Variants in CHORDC1 observed in about 807,000 individuals in gnomAD.
CHORDC1 encodes the protein cysteine and histidine rich domain containing 1.
In CHORDC1, 25 loss-of-function variants were observed where a neutral mutation model predicts 48.3. The observed-to-expected ratio is 0.52, with a 90% CI of 0.38 to 0.72. The LOEUF (loss-of-function observed/expected upper bound fraction) is 0.72. Ranked by LOEUF, CHORDC1 falls within the 30% of genes least tolerant of loss-of-function variation. The pLI is 0.00. For missense variants in CHORDC1, 317 were observed against 388.7 expected (o/e 0.82, Z 1.55); for synonymous variants, 128 against 126.4 (o/e 1.01, Z -0.09).
intron 4 of CHORDC1, chr11:90,211,525 G>A (rs879545634): frequency 9.6e-6 from 4 of 417,892 alleles, no homozygotes; most frequent in African/African-American, 2.1e-5. Context: ...TATTAGAATA[G>A]TAAGTCTCAA....
chr11:90,217,939 C>T, intron 2 of CHORDC1, 196 bp downstream of exon 2: 1 of 330,210 alleles, frequency 3.0e-6, no homozygotes, highest in Non-Finnish European at 5.6e-6. Context: ...AATTTTATAA[C>T]TGGAAAAGAC....
At position 90,201,646 on chromosome 11, in the gene CHORDC1, T is replaced by C. The variant is rs1857546549; in HGVS notation, c.*759A>G. 1 of 152,428 alleles carries C rather than the reference T, an allele frequency of 6.6e-6. No homozygotes were observed. The highest frequency in any genetic ancestry group is 2.4e-5 in the African/African-American group (1 of 41,424). The allele number at this position is 152,428 out of a possible 1,614,324, so 9.4% of individuals were successfully genotyped here. A position where few individuals can be genotyped will look rare whatever the true frequency, so the allele number is the denominator to read the frequency against. On this transcript the variant is annotated 3_prime_UTR_variant, in exon 11 of 11. Transcript: ENST00000320585. ...TAAGAGGGCTTAGTCTCTAAATCAG[T>C]AACAATTAGTCATAACACCATACAA...
chr11:90,219,058 G>C (rs756408070), intron 1 of CHORDC1, among the ~76,000 whole-genome samples: 2 of 151,830 alleles, frequency 1.3e-5, no homozygotes, highest in Non-Finnish European at 2.9e-5. Flanking sequence ...CTGAGGTCAG[G>C]AGTACGAGAC....
chr11:90,206,693 G>T (rs1857700472), intron 6 of CHORDC1: 1 of 832,370 alleles, frequency 1.2e-6, no homozygotes, highest in Non-Finnish European at 1.7e-6. Flanking sequence ...AATTCTGGAA[G>T]TTCTAGAGTG....
At chr11:90,206,720 C>T in intron 6 of CHORDC1, 2 of 1,147,432 alleles carry the variant, frequency 1.7e-6, no homozygotes, top group South Asian at 1.3e-5. Context: ...ATTTCTTATC[C>T]CTATAAAGGG....
intron 1 of CHORDC1, 149 bp from the exon 2 acceptor site, chr11:90,218,333 G>A: frequency 1.8e-6 from 1 of 551,670 alleles, no homozygotes. Context: ...TTGACGTGCA[G>A]CACAAAGTGT....
chr11:90,202,654 T>A (rs1018211491), intron 10 of CHORDC1, 103 bp from the exon 11 acceptor site: 11 of 1,422,798 alleles, frequency 7.7e-6, no homozygotes, highest in Admixed American at 7.2e-5. Context: ...TCCAAGCTTC[T>A]AAAGGCCTCT....
intron 1 of CHORDC1, among the ~76,000 whole-genome samples, chr11:90,222,117 T>A (rs1478518260): frequency 6.6e-6 from 1 of 152,226 alleles, no homozygotes; most frequent in Non-Finnish European, 1.5e-5. Flanking sequence ...CAATCAAAAT[T>A]TCAATTCACT....
chr11:90,219,195 CAG>C (rs1227921386), intron 1 of CHORDC1, among the ~76,000 whole-genome samples: 2 of 151,958 alleles, frequency 1.3e-5, no homozygotes, highest in African/African-American at 4.8e-5. Flanking sequence ...ACTTGGGAAG[CAG>C]AGTTTGCAGT....
Position 90,206,267 on chromosome 11 carries a change from G to C in CHORDC1, c.498C>G (p.Tyr166Ter). The change falls in exon 7 of 11, where the codon TAC (tyrosine) becomes TAG (stop). Residue 166 changes from tyrosine (Y) to a stop codon, truncating the protein, a stop_gained. Coordinates refer to ENST00000320585, the MANE Select transcript of CHORDC1 (RefSeq NM_012124.3). LOFTEE classifies it high-confidence loss of function. ...SCKNGGCSKT[Y>*]QGLESLEEVC... ...CTTCTTCTAGACTCTCTAGACCCTG[G>C]TATGTCTAAAAAGGAAACAAAGAGA... 6.5e-7 allele frequency: 1 copy of C among 1,548,560 alleles called. No individual in the cohort carries two copies. The highest frequency in any genetic ancestry group is 8.9e-7 in the Non-Finnish European group (1 of 1,121,938).
chr11:90,222,826 G>A (rs1375820542), intron 1 of CHORDC1, 65 bp downstream of exon 1: 4 of 1,438,990 alleles, frequency 2.8e-6, no homozygotes, highest in Non-Finnish European at 2.9e-6. Context: ...ACACCCTCCG[G>A]CCCAAAGGGC....
chr11:90,219,401 G>T (rs1225771223), intron 1 of CHORDC1, among the ~76,000 whole-genome samples: 2 of 152,230 alleles, frequency 1.3e-5, no homozygotes, highest in East Asian at 3.9e-4. Flanking sequence ...TACAATTTGT[G>T]TTGGGAACAG....
At chr11:90,206,494 G>A in intron 6 of CHORDC1, 1 of 455,588 alleles carries the variant, frequency 2.2e-6, no homozygotes, top group Non-Finnish European at 4.0e-6. Flanking sequence ...GTCATATTAA[G>A]ATGCTTTCAG....
intron 8 of CHORDC1, among the ~76,000 whole-genome samples, chr11:90,203,930 C>T (rs749535020): frequency 1.3e-5 from 2 of 152,004 alleles, no homozygotes; most frequent in Non-Finnish European, 2.9e-5. Context: ...TAATAAAGAA[C>T]AAATGATTTT....
In CHORDC1 at chr11:90,206,314, T is replaced by TA. The variant is rs780590182; in HGVS notation, c.493-43dup. On this transcript the variant is annotated intron_variant, in intron 6 of 10. Coordinates refer to ENST00000320585, the MANE Select transcript of CHORDC1 (RefSeq NM_012124.3). Reference sequence around the variant, plus strand: ...GAGAAAAAAAATTAGCTGCGTATCTTACAGTTACATCTCATACATATTTGC... The same window carrying TA: ...GAGAAAAAAAATTAGCTGCGTATCTTAACAGTTACATCTCATACATATTTGC... 5 of 1,056,312 alleles carry TA rather than the reference T, an allele frequency of 4.7e-6. No individual in the cohort carries two copies. In the South Asian group the frequency reaches 5.1e-5, roughly 11 times the overall value. The allele number at this position is 1,056,312 out of a possible 1,614,324, so 65.4% of individuals were successfully genotyped here. A position where few individuals can be genotyped will look rare whatever the true frequency, so the allele number is the denominator to read the frequency against.
intron 4 of CHORDC1, chr11:90,211,705 A>C (rs1747625584): frequency 6.1e-6 from 1 of 163,886 alleles, no homozygotes; most frequent in African/African-American, 2.4e-5. Flanking sequence ...TAAACATGAA[A>C]TATAAGTAAG....
intron 7 of CHORDC1, chr11:90,205,770 A>G: frequency 1.8e-6 from 1 of 541,526 alleles, no homozygotes; most frequent in South Asian, 2.4e-5. Flanking sequence ...ACAGTGCTGC[A>G]TTTCTATAAA....
rs766597067 is a variant in CHORDC1 at position 90,203,423 on chromosome 11, T to C, written c.674A>G (p.Lys225Arg). Residue 225 changes from lysine (K) to arginine (R), a missense_variant, in exon 9 of 11, where the codon AAA becomes AGA. Lys to Arg is a conservative substitution (Grantham distance 26). Coordinates refer to ENST00000320585, the MANE Select transcript of CHORDC1 (RefSeq NM_012124.3). Reference protein sequence around the residue: ...KHMWTKKDAGKKVVPCRHDWH... With the variant: ...KHMWTKKDAGRKVVPCRHDWH... ...GTCATGTCTACATGGAACAACTTTT[T>C]TCCCCTGTAATGTAAGAGAAACTCT... The C allele has an allele frequency of 6.4e-7, 1 of 1,551,778 alleles. No individual in the cohort carries two copies. The highest frequency in any genetic ancestry group is 1.2e-5 in the South Asian group (1 of 82,092).
In CHORDC1 at chr11:90,201,578, G is replaced by C. The variant is rs1331857381; in HGVS notation, c.*827C>G. The C allele has an allele frequency of 1.3e-5, 2 of 152,272 alleles. No individual in the cohort carries two copies. Among genetic ancestry groups the C allele is most frequent in the Non-Finnish European group, 2.9e-5 (2 of 67,852 alleles). The allele number at this position is 152,272 out of a possible 1,614,324, so 9.4% of individuals were successfully genotyped here. A position where few individuals can be genotyped will look rare whatever the true frequency, so the allele number is the denominator to read the frequency against. On this transcript the variant is annotated 3_prime_UTR_variant, in exon 11 of 11. Coordinates refer to ENST00000320585, the MANE Select transcript of CHORDC1 (RefSeq NM_012124.3). ...ATTTTATATAGTTTTCCATCAGGGA[G>C]GCAAGATATATATAATTTCTTTTTA... is the stretch of plus-strand genomic sequence containing the variant.
Sources: allele counts gnomAD v4.1 joint callset (sites outside exome capture counted in the v4.1 genomes callset), GRCh38; gene constraint gnomAD v4.1.1; transcripts MANE v1.5; gene names NCBI Gene and HGNC (gene_info 2026-07-23, HGNC 2026-07-21).